PAQR5: variants seen among roughly 807,000 people sequenced by gnomAD.
The protein encoded by PAQR5 is progestin and adipoQ receptor family member 5, also known as membrane progestin receptor gamma.
Under a neutral mutation model 34.5 loss-of-function variants are expected in PAQR5, and 20 were observed. The ratio of observed to expected loss-of-function variants is 0.58; its 90% CI spans 0.41 to 0.84. The LOEUF (loss-of-function observed/expected upper bound fraction) is 0.84. PAQR5 is among the 40% of genes least tolerant of loss of function. PAQR5 has a pLI of 0.00. For missense variants in PAQR5, 378 were observed against 412.7 expected (o/e 0.92, Z 0.73); for synonymous variants, 131 against 155.6 (o/e 0.84, Z 1.18).
At chr15:69,362,092 T>C (rs2055249851) in intron 3 of PAQR5, among the ~76,000 whole-genome samples, 2 of 152,178 alleles carry the variant, frequency 1.3e-5, no homozygotes, top group African/African-American at 4.8e-5. Context: ...GTGGTATCAA[T>C]AGGTCCTTTG....
intron 1 of PAQR5, among the ~76,000 whole-genome samples, chr15:69,310,619 G>A (rs1008622935): frequency 1.3e-5 from 2 of 152,146 alleles, no homozygotes; most frequent in Non-Finnish European, 1.5e-5. Flanking sequence ...AGGAATCAGA[G>A]GGAATCTTGA....
chr15:69,366,393 A>G (rs1407161369), intron 3 of PAQR5, among the ~76,000 whole-genome samples: 1 of 152,236 alleles, frequency 6.6e-6, no homozygotes, highest in Non-Finnish European at 1.5e-5. Context: ...TTTGGATATT[A>G]TAAATATGCT....
At chr15:69,300,966 T>TCTTC (rs2053586839) in intron 1 of PAQR5, among the ~76,000 whole-genome samples, 1 of 62,444 alleles carries the variant, frequency 1.6e-5, no homozygotes, top group Non-Finnish European at 3.0e-5. Context: ...TTTCTTTCTT[T>TCTTC]CTTTCTTTCT....
intron 6 of PAQR5, chr15:69,396,980 A>C (rs777348211): frequency 5.7e-6 from 2 of 352,138 alleles, no homozygotes; most frequent in Non-Finnish European, 1.1e-5. Flanking sequence ...AAAGCTCTCC[A>C]AGGGTCAAAC....
rs201938650 is a variant in PAQR5, at chr15:69,390,359, TA to T, written c.512+580del. ...TTATTTATTTATTTATTTATTTATT[TA>T]TTTTTTTGAGACAGGGTCTCTCTCT... On this transcript the variant is annotated intron_variant, in intron 6 of 8. Coordinates refer to ENST00000395407, the MANE Select transcript of PAQR5 (RefSeq NM_017705.4). Among the ~76,000 whole-genome samples, 570 of 143,672 alleles carry T rather than the reference TA, an allele frequency of 4.0e-3. 12 individuals carry two copies. Among genetic ancestry groups the T allele is most frequent in the African/African-American group, 0.012 (494 of 40,206 alleles). The allele number at this position is 143,672 out of a possible 152,430, so 94.3% of individuals were successfully genotyped here.
chr15:69,382,521 T>G (rs1454130620), intron 4 of PAQR5, among the ~76,000 whole-genome samples: 1 of 150,982 alleles, frequency 6.6e-6, no homozygotes, highest in South Asian at 2.1e-4. Flanking sequence ...GGAGGGTGCC[T>G]GTAGTCCCAG....
intron 3 of PAQR5, among the ~76,000 whole-genome samples, chr15:69,366,530 C>T (rs2055407461): frequency 6.6e-6 from 1 of 152,096 alleles, no homozygotes; most frequent in Non-Finnish European, 1.5e-5. Flanking sequence ...AGTTTTTATA[C>T]TACTGATTTA....
chr15:69,349,896 C>T (rs12101871), intron 2 of PAQR5, among the ~76,000 whole-genome samples: 12,094 of 152,060 alleles, frequency 0.08, 1,139 homozygotes, highest in African/African-American at 0.22. Context: ...CCCGCCTTGG[C>T]CTCCCAAAGT....
chr15:69,399,024 T>C (rs1270923279), intron 7 of PAQR5, among the ~76,000 whole-genome samples: 1 of 152,246 alleles, frequency 6.6e-6, no homozygotes, highest in Non-Finnish European at 1.5e-5. Flanking sequence ...GGTGAAATGA[T>C]GCATGTAAGA....
At chr15:69,304,647 C>A (rs1187026079) in intron 1 of PAQR5, among the ~76,000 whole-genome samples, 2 of 152,196 alleles carry the variant, frequency 1.3e-5, no homozygotes, top group African/African-American at 4.8e-5. Context: ...TTGACCTCAG[C>A]CAGGACCACC....
chr15:69,299,409 C>T (rs1188158956), intron 1 of PAQR5, among the ~76,000 whole-genome samples: 2 of 152,180 alleles, frequency 1.3e-5, no homozygotes, highest in Admixed American at 6.5e-5. Context: ...CCGCCCCCCT[C>T]CCGCCGCCCC....
intron 6 of PAQR5, among the ~76,000 whole-genome samples, chr15:69,391,016 C>A (rs1052100945): frequency 2.6e-5 from 4 of 152,132 alleles, no homozygotes; most frequent in African/African-American, 9.7e-5. Context: ...CTGAATAGGG[C>A]CAAGGCTGGT....
chr15:69,319,064 G>A (rs2054020251), intron 1 of PAQR5, among the ~76,000 whole-genome samples: 1 of 150,654 alleles, frequency 6.6e-6, no homozygotes, highest in South Asian at 2.1e-4. Flanking sequence ...AACCCAGGAG[G>A]CGGAGGTTGC....
intron 1 of PAQR5, among the ~76,000 whole-genome samples, chr15:69,304,226 A>AGACAGAGC (rs1438956568): frequency 2.0e-5 from 3 of 152,202 alleles, no homozygotes; most frequent in African/African-American, 7.2e-5. Context: ...CCCTGACCTA[A>AGACAGAGC]GACAGAGCTT....
At chr15:69,353,257 C>T (rs185182716) in intron 2 of PAQR5, among the ~76,000 whole-genome samples, 206 of 152,280 alleles carry the variant, frequency 1.4e-3, no homozygotes, top group Non-Finnish European at 1.3e-3. Flanking sequence ...ACACTGGACC[C>T]CTTCCATCAT....
At chr15:69,390,360 A>ATTT (rs543005498) in intron 6 of PAQR5, among the ~76,000 whole-genome samples, 128 of 135,888 alleles carry the variant, frequency 9.4e-4, no homozygotes, top group African/African-American at 2.9e-3. Context: ...TTATTTATTT[A>ATTT]TTTTTTTGAG....
chr15:69,384,932 G>GC, intron 5 of PAQR5, 50 bp downstream of exon 5: 1 of 1,443,498 alleles, frequency 6.9e-7, no homozygotes, highest in South Asian at 1.2e-5. Flanking sequence ...CGGGCTGTTT[G>GC]CCCCTTCTCC....
chr15:69,306,241 G>A (rs2053713062), intron 1 of PAQR5, among the ~76,000 whole-genome samples: 3 of 152,034 alleles, frequency 2.0e-5, no homozygotes, highest in Admixed American at 2.0e-4. Flanking sequence ...GAGGTGGAGG[G>A]AATGTTCAGG....
intron 1 of PAQR5, among the ~76,000 whole-genome samples, chr15:69,330,308 A>G (rs1335568952): frequency 1.3e-5 from 2 of 152,342 alleles, no homozygotes; most frequent in South Asian, 4.1e-4. Context: ...CATAGGCTGA[A>G]CTTACTTTGG....
Sources: allele counts gnomAD v4.1 joint callset (sites outside exome capture counted in the v4.1 genomes callset), GRCh38; gene constraint gnomAD v4.1.1; transcripts MANE v1.5; gene names NCBI Gene and HGNC (gene_info 2026-07-23, HGNC 2026-07-21).